Variants in VDAC1 observed in about 807,000 individuals in gnomAD.
VDAC1 encodes the protein non-selective voltage-gated ion channel VDAC1.
VDAC1 carries 10 observed loss-of-function variants against 34.7 expected under a neutral mutation model. That is an observed-to-expected ratio of 0.29 (90% CI 0.18 to 0.49). The LOEUF is 0.49. VDAC1 is among the 20% of genes least tolerant of loss of function. The pLI is 0.99. For missense variants in VDAC1, 230 were observed against 347.9 expected (o/e 0.66, Z 2.69); for synonymous variants, 130 against 136.0 (o/e 0.96, Z 0.30).
the VDAC1 span, among the ~76,000 whole-genome samples, chr5:134,064,780 T>G: frequency 1.3e-5 from 2 of 151,720 alleles, no homozygotes; most frequent in African/African-American, 4.9e-5. Context: ...TACAATGGTG[T>G]GATCTCAGCT....
At chr5:134,052,608 T>C in the VDAC1 span, among the ~76,000 whole-genome samples, 1 of 152,182 alleles carries the variant, frequency 6.6e-6, no homozygotes, top group East Asian at 1.9e-4. Context: ...TAAGTTTGCA[T>C]GCTTTTCTCT....
At chr5:134,058,014 A>G in the VDAC1 span, among the ~76,000 whole-genome samples, 1 of 151,916 alleles carries the variant, frequency 6.6e-6, no homozygotes, top group African/African-American at 2.4e-5. Flanking sequence ...CTCCCACCTC[A>G]GCCTCCCAAG....
At chr5:134,033,037 G>A in the VDAC1 span, among the ~76,000 whole-genome samples, 1 of 151,696 alleles carries the variant, frequency 6.6e-6, no homozygotes, top group Non-Finnish European at 1.5e-5. Flanking sequence ...AAGGAGAGGG[G>A]AGGGGACGGG....
the VDAC1 span, among the ~76,000 whole-genome samples, chr5:134,044,581 CTGTG>C: frequency 6.6e-6 from 1 of 152,090 alleles, no homozygotes. Flanking sequence ...CTGTATGTGT[CTGTG>C]TGCACATACC....
chr5:133,973,980 T>A, intron 7 of VDAC1, 132 bp from the exon 8 acceptor site: 1 of 712,598 alleles, frequency 1.4e-6, no homozygotes, highest in Non-Finnish European at 2.4e-6. Context: ...ACCTTGTTCA[T>A]GAGATTCATT....
At chr5:133,990,359 T>G (rs1402100302) in intron 5 of VDAC1, among the ~76,000 whole-genome samples, 1 of 152,136 alleles carries the variant, frequency 6.6e-6, no homozygotes, top group Non-Finnish European at 1.5e-5. Flanking sequence ...TGTCACCCAC[T>G]CCCGTTTGGT....
the VDAC1 span, among the ~76,000 whole-genome samples, chr5:134,094,102 G>A: frequency 1.3e-5 from 2 of 152,194 alleles, no homozygotes; most frequent in African/African-American, 4.8e-5. Context: ...TGGGTGGAAG[G>A]CAGGTGCCCT....
the VDAC1 span, among the ~76,000 whole-genome samples, chr5:134,060,778 C>A: frequency 6.7e-6 from 1 of 149,854 alleles, no homozygotes; most frequent in Admixed American, 6.7e-5. Context: ...ACATATCATT[C>A]TATATGTATT....
the VDAC1 span, among the ~76,000 whole-genome samples, chr5:134,086,515 T>C: frequency 6.6e-6 from 1 of 152,190 alleles, no homozygotes; most frequent in Admixed American, 6.5e-5. Context: ...TCTTTTTAAT[T>C]AAGGAAAACA....
upstream of VDAC1, among the ~76,000 whole-genome samples, chr5:134,008,706 C>CT (rs1753791532): frequency 1.3e-5 from 2 of 152,286 alleles, no homozygotes; most frequent in African/African-American, 4.8e-5. Flanking sequence ...ATTGTCTGTG[C>CT]TAAGTACCAG....
chr5:134,090,289 A>G, the VDAC1 span, among the ~76,000 whole-genome samples: 1 of 152,102 alleles, frequency 6.6e-6, no homozygotes, highest in Admixed American at 6.5e-5. Context: ...TCTGCCCCCA[A>G]ACGCCTGGCG....
the VDAC1 span, among the ~76,000 whole-genome samples, chr5:134,031,677 C>T: frequency 2.6e-5 from 4 of 152,050 alleles, no homozygotes; most frequent in South Asian, 4.2e-4. Flanking sequence ...TTAGGCCAGG[C>T]GCAGTGGCTC....
chr5:134,085,289 C>T, the VDAC1 span, among the ~76,000 whole-genome samples: 1,581 of 152,016 alleles, frequency 0.01, 28 homozygotes, highest in African/African-American at 0.036. Context: ...AGGATGGTCT[C>T]GATCTCCTGA....
At chr5:134,047,193 C>A in the VDAC1 span, among the ~76,000 whole-genome samples, 1 of 152,082 alleles carries the variant, frequency 6.6e-6, no homozygotes, top group Non-Finnish European at 1.5e-5. Context: ...CTAAGTGGGT[C>A]ATAGAAAGGG....
At chr5:133,994,764 TAACA>T (rs772857958) in intron 1 of VDAC1, among the ~76,000 whole-genome samples, 4 of 152,068 alleles carry the variant, frequency 2.6e-5, no homozygotes, top group Non-Finnish European at 5.9e-5. Flanking sequence ...CCGACAGGGT[TAACA>T]AACCATCAGT....
At chr5:134,039,606 G>C in the VDAC1 span, among the ~76,000 whole-genome samples, 1 of 152,218 alleles carries the variant, frequency 6.6e-6, no homozygotes, top group East Asian at 1.9e-4. Context: ...TGGGATTACA[G>C]GCGTGAGCCA....
the VDAC1 span, among the ~76,000 whole-genome samples, chr5:134,079,181 G>A: frequency 6.6e-6 from 1 of 151,762 alleles, no homozygotes; most frequent in Admixed American, 6.6e-5. Context: ...GTCTCACTAT[G>A]TTGCCCAGGC....
chr5:134,010,912 G>A, the VDAC1 span, among the ~76,000 whole-genome samples: 3 of 151,304 alleles, frequency 2.0e-5, no homozygotes, highest in East Asian at 1.9e-4. Context: ...CATCACCACC[G>A]TAAAGCATAT....
chr5:133,974,150 G>A (rs914182208), intron 7 of VDAC1, among the ~76,000 whole-genome samples: 8 of 152,160 alleles, frequency 5.3e-5, no homozygotes, highest in Admixed American at 1.3e-4. Context: ...CTTTTCTCTT[G>A]TTTTTAAGTG....
Sources: allele counts gnomAD v4.1 joint callset (sites outside exome capture counted in the v4.1 genomes callset), GRCh38; gene constraint gnomAD v4.1.1; transcripts MANE v1.5; gene names NCBI Gene and HGNC (gene_info 2026-07-23, HGNC 2026-07-21).